Variants in GFRA2 observed in about 807,000 individuals in gnomAD.
GFRA2 encodes the protein GDNF family receptor alpha-2.
GFRA2 carries 17 observed loss-of-function variants against 48.3 expected under a neutral mutation model. The ratio of observed to expected loss-of-function variants is 0.35; its 90% CI spans 0.24 to 0.53. The LOEUF (loss-of-function observed/expected upper bound fraction) is 0.53. GFRA2 is among the 20% of genes least tolerant of loss of function. GFRA2 has a pLI of 0.93. For synonymous variants in GFRA2, 305 were observed against 257.2 expected, an observed-to-expected ratio of 1.19 and a Z score of -1.78; for missense variants, 660 against 637.3, an observed-to-expected ratio of 1.04 and a Z score of -0.38.
intron 4 of GFRA2, among the ~76,000 whole-genome samples, chr8:21,726,335 T>C (rs1218164164): frequency 6.6e-6 from 1 of 152,202 alleles, no homozygotes; most frequent in East Asian, 1.9e-4. Flanking sequence ...CACAGCAACA[T>C]GAACAAGACA....
intron 2 of GFRA2, among the ~76,000 whole-genome samples, chr8:21,778,391 T>A (rs1806813949): frequency 2.6e-5 from 4 of 152,130 alleles, no homozygotes; most frequent in African/African-American, 9.6e-5. Context: ...AAGGTAGAAT[T>A]CCCCTACAGA....
intron 3 of GFRA2, among the ~76,000 whole-genome samples, chr8:21,760,539 T>C (rs1219369203): frequency 1.3e-5 from 2 of 152,084 alleles, no homozygotes; most frequent in African/African-American, 4.8e-5. Flanking sequence ...AGGAAAGACT[T>C]GGAAGGAAAG....
chr8:21,746,979 G>A (rs1400390678), intron 4 of GFRA2, among the ~76,000 whole-genome samples: 2 of 151,892 alleles, frequency 1.3e-5, no homozygotes, highest in Non-Finnish European at 2.9e-5. Context: ...TAATAAAATG[G>A]GTGCCCTGTC....
chr8:21,752,284 T>C (rs1805331033), intron 3 of GFRA2, among the ~76,000 whole-genome samples: 1 of 152,138 alleles, frequency 6.6e-6, no homozygotes, highest in South Asian at 2.1e-4. Flanking sequence ...ACACCACCTG[T>C]CCCTTGCTCT....
intron 4 of GFRA2, among the ~76,000 whole-genome samples, chr8:21,733,817 A>G (rs1010778199): frequency 2.0e-5 from 3 of 152,200 alleles, no homozygotes; most frequent in Non-Finnish European, 2.9e-5. Flanking sequence ...TCAGAAAGCA[A>G]TGAAAGCGCC....
At chr8:21,754,576 G>A (rs1468113147) in intron 3 of GFRA2, among the ~76,000 whole-genome samples, 2 of 144,410 alleles carry the variant, frequency 1.4e-5, no homozygotes, top group African/African-American at 2.6e-5. Context: ...TGGTGTGATC[G>A]CGGCTCACTG....
At chr8:21,793,971 C>T (rs1434454125) in intron 2 of GFRA2, among the ~76,000 whole-genome samples, 1 of 150,964 alleles carries the variant, frequency 6.6e-6, no homozygotes, top group Non-Finnish European at 1.5e-5. Context: ...TCAAGTCATC[C>T]TCGCCCCTCA....
intron 4 of GFRA2, among the ~76,000 whole-genome samples, chr8:21,718,645 C>G (rs1803449257): frequency 6.6e-6 from 1 of 152,206 alleles, no homozygotes; most frequent in Non-Finnish European, 1.5e-5. Flanking sequence ...GCCATGTTCT[C>G]TCTGACCTAT....
intron 4 of GFRA2, among the ~76,000 whole-genome samples, chr8:21,718,004 G>A (rs1227176422): frequency 6.6e-6 from 1 of 152,178 alleles, no homozygotes; most frequent in Non-Finnish European, 1.5e-5. Flanking sequence ...TTGGCTGTGT[G>A]ATCTTGAGCA....
At chr8:21,797,754 G>GAA (rs1807703619) in intron 2 of GFRA2, 1 of 152,156 alleles carries the variant, frequency 6.6e-6, no homozygotes, top group Non-Finnish European at 1.5e-5. Context: ...ATGTTGCCCA[G>GAA]GCTGGTGAGT....
intron 2 of GFRA2, among the ~76,000 whole-genome samples, chr8:21,796,662 G>A (rs1807682498): frequency 6.6e-6 from 1 of 152,134 alleles, no homozygotes; most frequent in Non-Finnish European, 1.5e-5. Flanking sequence ...CTTTCATTCT[G>A]GAAACTTCTT....
intron 1 of GFRA2, among the ~76,000 whole-genome samples, chr8:21,783,622 C>T (rs1807121581): frequency 6.6e-6 from 1 of 151,278 alleles, no homozygotes; most frequent in Admixed American, 6.6e-5. Flanking sequence ...GAGGAGCTAC[C>T]CCTTTCCCCC....
chr8:21,706,812 G>A (rs571977334), intron 4 of GFRA2, among the ~76,000 whole-genome samples: 1 of 152,336 alleles, frequency 6.6e-6, no homozygotes, highest in Admixed American at 6.5e-5. Flanking sequence ...GGCAGACAGT[G>A]TCTGAGCTGG....
intron 4 of GFRA2, among the ~76,000 whole-genome samples, chr8:21,745,237 G>C (rs562898981): frequency 6.6e-6 from 1 of 152,348 alleles, no homozygotes; most frequent in East Asian, 1.9e-4. Context: ...CTCTGGAAGA[G>C]CTTCCCCCAA....
At chr8:21,770,105 C>T (rs1458231856) in intron 3 of GFRA2, among the ~76,000 whole-genome samples, 2 of 152,350 alleles carry the variant, frequency 1.3e-5, no homozygotes, top group African/African-American at 4.8e-5. Context: ...CCCAAGACTC[C>T]CTCTGAGCTT....
chr8:21,693,189 GTGTGTGTGTC>G lies in GFRA2; in HGVS notation c.*79_*88del. The G allele has an allele frequency of 7.6e-7, 1 of 1,313,700 alleles. No individual in the cohort carries two copies. 81.4% of individuals were successfully genotyped at this position (1,313,700 alleles called of 1,614,324 possible). A position where few individuals can be genotyped will look rare whatever the true frequency, so the allele number is the denominator to read the frequency against. On this transcript the variant is annotated 3_prime_UTR_variant, in exon 9 of 9. Coordinates refer to ENST00000524240, the MANE Select transcript of GFRA2 (RefSeq NM_001495.5). Reference sequence around the variant, plus strand: ...AAAAACAATTTTTTTTTTGCAAGGTGTGTGTGTGTCTGTGTGTGTTTCCATTTCGTCAGGC... The same window carrying G: ...AAAAACAATTTTTTTTTTGCAAGGTGTGTGTGTGTTTCCATTTCGTCAGGC...
At chr8:21,794,926 C>T (rs1449667540) in intron 2 of GFRA2, among the ~76,000 whole-genome samples, 2 of 152,230 alleles carry the variant, frequency 1.3e-5, no homozygotes, top group Non-Finnish European at 2.9e-5. Context: ...ATACTGCACT[C>T]AGGGCCATTG....
chr8:21,700,256 T>A (rs570017590), intron 7 of GFRA2, among the ~76,000 whole-genome samples: 3 of 70,940 alleles, frequency 4.2e-5, no homozygotes, highest in Non-Finnish European at 7.9e-5. Flanking sequence ...ATATTTAATA[T>A]ACCAGAAGGC....
At chr8:21,735,729 C>T (rs978666160) in intron 4 of GFRA2, among the ~76,000 whole-genome samples, 3 of 152,132 alleles carry the variant, frequency 2.0e-5, no homozygotes, top group Non-Finnish European at 4.4e-5. Context: ...ATGGCGTGAT[C>T]ACAGCTCACT....
Sources: gnomAD v4.1 joint callset for allele counts (sites outside exome capture counted in the v4.1 genomes callset) on GRCh38, gnomAD v4.1.1 for gene constraint, MANE v1.5 for transcripts, NCBI Gene and HGNC (gene_info 2026-07-23, HGNC 2026-07-21) for gene names.